The following PCDHA4 variants were observed in gnomAD, a reference collection of about 807,000 sequenced individuals.
The protein encoded by PCDHA4 is protocadherin alpha-4.
PCDHA4 carries 49 observed loss-of-function variants against 61.4 expected under a neutral mutation model. The observed-to-expected ratio is 0.80, with a 90% CI of 0.63 to 1.01. The LOEUF is 1.01. Ranked by LOEUF, PCDHA4 falls within the 50% of genes least tolerant of loss-of-function variation. The pLI is 0.00. For synonymous variants in PCDHA4, 590 were observed against 550.3 expected, an observed-to-expected ratio of 1.07 and a Z score of -1.01; for missense variants, 1,254 against 1,235.8, an observed-to-expected ratio of 1.01 and a Z score of -0.22.
intron 1 of PCDHA4, among the ~76,000 whole-genome samples, chr5:140,833,764 A>ACACG (rs2150211178): frequency 1.9e-3 from 286 of 152,036 alleles, no homozygotes; most frequent in African/African-American, 6.7e-3. Flanking sequence ...ACACACACAC[A>ACACG]CACCGCTTTC....
intron 1 of PCDHA4, chr5:140,877,117 G>C: frequency 6.2e-7 from 1 of 1,613,720 alleles, no homozygotes; most frequent in Non-Finnish European, 8.5e-7. Flanking sequence ...GGGCAGCAAC[G>C]TGACGCTGCA....
chr5:140,824,633 A>G (rs12660016), intron 1 of PCDHA4: 1 of 102,008 alleles, frequency 9.8e-6, no homozygotes, highest in Non-Finnish European at 1.9e-5. Context: ...TTTTTTTTTT[A>G]TTTTCTGTAG....
chr5:140,987,358 T>C (rs1554249108), intron 3 of PCDHA4, among the ~76,000 whole-genome samples: 2 of 152,208 alleles, frequency 1.3e-5, no homozygotes, highest in Non-Finnish European at 2.9e-5. Context: ...CCTGAGGTTG[T>C]CTTATATCAT....
chr5:140,975,630 G>A (rs182087841), intron 1 of PCDHA4, among the ~76,000 whole-genome samples: 16 of 152,316 alleles, frequency 1.1e-4, no homozygotes, highest in Admixed American at 3.3e-4. Flanking sequence ...TCCATGGTAC[G>A]AAGATAGCAT....
intron 1 of PCDHA4, among the ~76,000 whole-genome samples, chr5:140,957,575 T>C (rs1437290620): frequency 6.6e-6 from 1 of 152,152 alleles, no homozygotes; most frequent in African/African-American, 2.4e-5. Flanking sequence ...ACTACTGTAC[T>C]TTTAACAAAG....
At chr5:140,856,020 G>A (rs782082828) in intron 1 of PCDHA4, 2 of 1,553,262 alleles carry the variant, frequency 1.3e-6, no homozygotes, top group African/African-American at 1.4e-5. Context: ...CCGCTGATTC[G>A]TCGATTTGTA....
chr5:140,863,219 G>T, intron 1 of PCDHA4: 1 of 1,108,786 alleles, frequency 9.0e-7, no homozygotes. Flanking sequence ...AGCCAAGCGA[G>T]GAAGGTCCCA....
chr5:140,943,139 TC>T (rs1314499841), intron 1 of PCDHA4, among the ~76,000 whole-genome samples: 5 of 151,168 alleles, frequency 3.3e-5, no homozygotes, highest in Non-Finnish European at 5.9e-5. Flanking sequence ...GTGCCTGTAG[TC>T]CCAGCTACTC....
In PCDHA4 at chr5:140,979,019, C is replaced by T; in HGVS notation, c.2444+12C>T. On this transcript the variant is annotated intron_variant, in intron 2 of 3. Coordinates refer to ENST00000530339, the MANE Select transcript of PCDHA4 (RefSeq NM_018907.4). ...GCAGGCATGCACAGGTATGTATTTC[C>T]CTCCTCATTCACTCAGAAGTAACCT... 1 of 1,613,662 alleles carries T rather than the reference C, an allele frequency of 6.2e-7. No individual in the cohort carries two copies. Among genetic ancestry groups the T allele is most frequent in the South Asian group, 1.1e-5 (1 of 90,910 alleles).
intron 1 of PCDHA4, chr5:140,822,670 G>A (rs1767391853): frequency 1.2e-6 from 2 of 1,608,054 alleles, no homozygotes; most frequent in South Asian, 1.1e-5. Flanking sequence ...TTCTAATACT[G>A]GTGAAATAAA....
In PCDHA4 at chr5:140,876,240, A is replaced by G. The variant is rs375639572; in HGVS notation, c.2385+66668A>G. 7.0e-5 allele frequency: 113 copies of G among 1,613,906 alleles called. No homozygotes were observed. The highest frequency in any genetic ancestry group is 8.3e-5 in the Admixed American group (5 of 60,008). Reference sequence around the variant, plus strand: ...AAGTAGTGTTGTCTGAAAATGTCCAAAACGACACAAGAGTGATCCAACTAA... The same window carrying G: ...AAGTAGTGTTGTCTGAAAATGTCCAGAACGACACAAGAGTGATCCAACTAA... On this transcript the variant is annotated intron_variant, in intron 1 of 3. Coordinates refer to ENST00000530339, the MANE Select transcript of PCDHA4 (RefSeq NM_018907.4).
At chr5:140,992,186 A>G (rs1436291226) in intron 3 of PCDHA4, among the ~76,000 whole-genome samples, 1 of 152,166 alleles carries the variant, frequency 6.6e-6, no homozygotes, top group East Asian at 1.9e-4. Context: ...TCATGCTTTC[A>G]GTGATCTATC....
intron 1 of PCDHA4, chr5:140,822,056 T>A (rs2150113263): frequency 1.9e-6 from 3 of 1,614,216 alleles, no homozygotes; most frequent in African/African-American, 1.3e-5. Context: ...CGGGAGGAGC[T>A]GTGCCGGCGG....
At chr5:140,894,793 T>C (rs1269028222) in intron 1 of PCDHA4, among the ~76,000 whole-genome samples, 2 of 152,170 alleles carry the variant, frequency 1.3e-5, no homozygotes, top group Non-Finnish European at 2.9e-5. Flanking sequence ...TGTCCTCTCC[T>C]TTAAAAATAA....
Position 140,899,596 on chromosome 5 carries a change from G to A in PCDHA4, c.2386-79353G>A, listed in dbSNP as rs567280301. On this transcript the variant is annotated intron_variant, in intron 1 of 3. Transcript: ENST00000530339. ...ATTCGGTTTGCCAGTATTTTATTGA[G>A]GACTTTTGCATCAATGTTCATCAAG... Among the ~76,000 whole-genome samples the A allele has an allele frequency of 7.2e-5, 11 of 152,196 alleles. No individual in the cohort carries two copies. In the East Asian group the frequency reaches 2.1e-3, roughly 29 times the overall value.
In PCDHA4 at chr5:140,807,126, A is replaced by T; in HGVS notation, c.-62A>T. 6.4e-7 allele frequency: 1 copy of T among 1,551,116 alleles called. No homozygotes were observed. Among genetic ancestry groups the T allele is most frequent in the Non-Finnish European group, 8.7e-7 (1 of 1,143,718 alleles). On this transcript the variant is annotated 5_prime_UTR_variant, in exon 1 of 4. Transcript: ENST00000530339. ...TGCAGCTGCACTTGACTGACCGATT[A>T]AAAGATTTCCCTTGACTTTGAGAAA...
intron 1 of PCDHA4, chr5:140,871,553 G>GT (rs555355563): frequency 9.2e-4 from 1,372 of 1,491,042 alleles, no homozygotes; most frequent in South Asian, 9.1e-4. Flanking sequence ...TTAAAATCCA[G>GT]TTTTTTTTCA....
chr5:140,966,068 T>G (rs188069959), intron 1 of PCDHA4: 1 of 153,298 alleles, frequency 6.5e-6, no homozygotes. Context: ...CGCCTCCCCC[T>G]GCGTTGTTTC....
chr5:140,995,654 A>C (rs1183016354), intron 3 of PCDHA4, among the ~76,000 whole-genome samples: 2 of 152,184 alleles, frequency 1.3e-5, no homozygotes, highest in Non-Finnish European at 1.5e-5. Flanking sequence ...AGGAGAATCG[A>C]AAAGGGAAGT....
Sources: allele counts gnomAD v4.1 joint callset (sites outside exome capture counted in the v4.1 genomes callset), GRCh38; gene constraint gnomAD v4.1.1; transcripts MANE v1.5; gene names NCBI Gene and HGNC (gene_info 2026-07-23, HGNC 2026-07-21).